Variants in SLC12A4 observed in about 807,000 individuals in gnomAD.
The protein encoded by SLC12A4 is electroneutral potassium-chloride cotransporter 1.
In SLC12A4, 84 loss-of-function variants were observed where a neutral mutation model predicts 119.2. The observed-to-expected ratio is 0.70, with a 90% CI of 0.59 to 0.85. SLC12A4 has a LOEUF of 0.85. Among genes scored for constraint, SLC12A4 ranks in the 40% least tolerant of loss-of-function variants. SLC12A4 has a pLI of 0.00. For synonymous variants in SLC12A4, 599 were observed against 604.6 expected (o/e 0.99, Z 0.14); for missense variants, 1,298 against 1,476.3 (o/e 0.88, Z 1.98).
At position 67,943,740 on chromosome 16, in the gene SLC12A4, G is replaced by A; in HGVS notation, c.*1100C>T. Reference sequence around the variant, plus strand: ...CCCGTCCCCCACTCCGCCCCCCCTGGGTTAGACAACTGAGAGTCACAGTGT... The same window carrying A: ...CCCGTCCCCCACTCCGCCCCCCCTGAGTTAGACAACTGAGAGTCACAGTGT... On this transcript the variant is annotated 3_prime_UTR_variant, in exon 24 of 24. Transcript: ENST00000316341. This position sits in a 1 kb window ranked among gnomAD's most constrained non-coding sequence, Gnocchi z 4.6. The A allele has an allele frequency of 1.7e-6, 1 of 590,032 alleles. No individual in the cohort carries two copies. The highest frequency in any genetic ancestry group is 2.3e-5 in the South Asian group (1 of 42,738). The allele number at this position is 590,032 out of a possible 1,614,324, so 36.5% of individuals were successfully genotyped here.
At position 67,945,473 on chromosome 16, in the gene SLC12A4, C is replaced by A. The variant is rs1414089720; in HGVS notation, c.2928G>T (p.Gly976=). 2.5e-6 allele frequency: 4 copies of A among 1,613,990 alleles called. No homozygotes were observed. The highest frequency in any genetic ancestry group is 3.4e-6 in the Non-Finnish European group (4 of 1,180,020). Residue 976 remains glycine (G), a synonymous_variant, in exon 22 of 24, where the codon GGG becomes GGT. Transcript: ENST00000316341. The part of the protein sequence containing the change: ...YSDEEDESAV[G]ADKIQMTWTR... ...TCCACGTCATCTGGATCTTGTCAGCCCCCACTGCAGACTCATCTTCCTCGT... is the reference window on the plus strand; with the variant it reads ...TCCACGTCATCTGGATCTTGTCAGCACCCACTGCAGACTCATCTTCCTCGT...
At position 67,945,847 on chromosome 16, in the gene SLC12A4, T is replaced by C. The variant is rs902882398; in HGVS notation, c.2764A>G (p.Thr922Ala). 1 of 1,613,942 alleles carries C rather than the reference T, an allele frequency of 6.2e-7. No individual in the cohort carries two copies. Among genetic ancestry groups the C allele is most frequent in the Non-Finnish European group, 8.5e-7 (1 of 1,180,008 alleles). Reference sequence around the variant, plus strand: ...TCCATCATCAGCGTCCGCTCGTAGGTGTATGCAGAGATGTCACTGTTATGC... The same window carrying C: ...TCCATCATCAGCGTCCGCTCGTAGGCGTATGCAGAGATGTCACTGTTATGC... ...EMHNSDISAY[T>A]YERTLMMEQR... The change falls in exon 21 of 24, where the codon ACC becomes GCC. Residue 922 changes from threonine to alanine, a missense_variant. Thr to Ala is a moderately conservative substitution (Grantham distance 58). Transcript: ENST00000316341.
At chr16:67,945,053 C>T (rs552068341) in intron 23 of SLC12A4, 34 bp downstream of exon 23, 4 of 1,580,180 alleles carry the variant, frequency 2.5e-6, no homozygotes, top group South Asian at 1.2e-5. Context: ...ATGCTATCCA[C>T]CTCCCAACTG....
chr16:67,968,651 G>A, upstream of SLC12A4: 8 of 1,284,522 alleles, frequency 6.2e-6, no homozygotes, highest in Non-Finnish European at 6.8e-6. Context: ...CCGCCCGCTC[G>A]CATTCCTCCC....
chr16:67,944,624 A>G lies in SLC12A4; in HGVS notation c.*216T>C. ...GGCCTACTGGGGTGCTAGATAGTAAAGTCCCCAAACATCCCAGGGTCCCAC... is the reference window on the plus strand; with the variant it reads ...GGCCTACTGGGGTGCTAGATAGTAAGGTCCCCAAACATCCCAGGGTCCCAC... On this transcript the variant is annotated 3_prime_UTR_variant, in exon 24 of 24. Transcript: ENST00000316341. The surrounding 1 kb of genome is among the most constrained non-coding windows in gnomAD (Gnocchi z 6.6). 4 of 1,409,398 alleles carry G rather than the reference A, an allele frequency of 2.8e-6. No individual in the cohort carries two copies. Among genetic ancestry groups the G allele is most frequent in the African/African-American group, 2.9e-5 (2 of 69,336 alleles). The allele number at this position is 1,409,398 out of a possible 1,614,324, so 87.3% of individuals were successfully genotyped here.
At position 67,950,221 on chromosome 16, in the gene SLC12A4, A is replaced by C. The variant is rs1429084500; in HGVS notation, c.1629+98T>G. 4 of 1,428,168 alleles carry C rather than the reference A, an allele frequency of 2.8e-6. No homozygotes were observed. In the African/African-American group the frequency reaches 4.3e-5, roughly 15 times the overall value. 88.5% of individuals were successfully genotyped at this position (1,428,168 alleles called of 1,614,324 possible). A position where few individuals can be genotyped will look rare whatever the true frequency, so the allele number is the denominator to read the frequency against. On this transcript the variant is annotated intron_variant, in intron 12 of 23. Transcript: ENST00000316341. This position sits in a 1 kb window ranked among gnomAD's most constrained non-coding sequence, Gnocchi z 4.3. ...TGGCCGCCTGGCCCCGGGGGCCAAT[A>C]AGGGCAGGACGTGCTGCATCTGTGT...
intron 3 of SLC12A4, among the ~76,000 whole-genome samples, chr16:67,958,758 G>A (rs934766273): frequency 9.2e-5 from 14 of 151,996 alleles, no homozygotes; most frequent in African/African-American, 2.4e-4. Flanking sequence ...CAGATTCTGC[G>A]AACCTGAGAA....
intron 6 of SLC12A4, among the ~76,000 whole-genome samples, chr16:67,952,724 G>A (rs1417467415): frequency 1.3e-5 from 2 of 151,906 alleles, no homozygotes; most frequent in East Asian, 1.9e-4. Context: ...AGGAAGCAGA[G>A]GTTGCAGTGA....
rs750169574 is a variant in SLC12A4 at position 67,951,232 on chromosome 16, G to C, written c.1205C>G (p.Pro402Arg). 2.5e-6 allele frequency: 4 copies of C among 1,613,916 alleles called. No homozygotes were observed. The highest frequency in any genetic ancestry group is 3.4e-6 in the Non-Finnish European group (4 of 1,179,980). ...EKHGLPSADAPSLKESLPLYV... is the reference protein window; with the variant it reads ...EKHGLPSADARSLKESLPLYV... ...CAGAGGCAGGCTCTCCTTCAGGCTC[G>C]GGGCATCTGCGGAGGGCAGCCCATG... is the stretch of plus-strand genomic sequence containing the variant. Residue 402 changes from proline to arginine, a missense_variant, in exon 9 of 24, where the codon CCG (proline) becomes CGG (arginine). Physicochemically the swap from Pro to Arg is moderately radical, Grantham distance 103. Coordinates refer to ENST00000316341, the MANE Select transcript of SLC12A4 (RefSeq NM_005072.5). The surrounding 1 kb of genome is among the most constrained non-coding windows in gnomAD (Gnocchi z 5.2).
At chr16:67,946,755 G>A (rs904671145) in intron 17 of SLC12A4, 122 bp from the exon 18 acceptor site, 3 of 1,301,060 alleles carry the variant, frequency 2.3e-6, no homozygotes, top group Admixed American at 2.3e-5. Context: ...GCAACAAGCT[G>A]CCTACCCAGA....
In SLC12A4 at chr16:67,951,102, TG is replaced by T. The variant is rs769416239; in HGVS notation, c.1297+37del. 1 of 1,600,972 alleles carries T rather than the reference TG, an allele frequency of 6.2e-7. No homozygotes were observed. The highest frequency in any genetic ancestry group is 8.6e-7 in the Non-Finnish European group (1 of 1,168,262). On this transcript the variant is annotated intron_variant, in intron 9 of 23. Transcript: ENST00000316341. This position sits in a 1 kb window ranked among gnomAD's most constrained non-coding sequence, Gnocchi z 5.2. ...GACTCCCTCAGGGGCTCCCCGGGAT[TG>T]GGGACAGGGCTGGGTGGGTAGGCAG... is the stretch of plus-strand genomic sequence containing the variant.
At position 67,945,388 on chromosome 16, in the gene SLC12A4, C is replaced by T; in HGVS notation, c.3013G>A (p.Glu1005Lys). ...DPSHAPDNFR[E>K]LVHIKPDQSN... ...ACTCACGGCTTAATGTGCACCAGCT[C>T]CCGGAAATTGTCAGGGGCATGGCTG... Residue 1005 changes from glutamate to lysine, a missense_variant, in exon 22 of 24, where the codon GAG becomes AAG. Physicochemically the swap from Glu to Lys is moderately conservative, Grantham distance 56. Transcript: ENST00000316341. 1 of 1,613,830 alleles carries T rather than the reference C, an allele frequency of 6.2e-7. No individual in the cohort carries two copies. Among genetic ancestry groups the T allele is most frequent in the East Asian group, 2.2e-5 (1 of 44,874 alleles).
rs1362046167 is a variant in SLC12A4, at chr16:67,951,666, T to G, written c.1132+157A>C. 1 of 701,160 alleles carries G rather than the reference T, an allele frequency of 1.4e-6. No individual in the cohort carries two copies. Among genetic ancestry groups the G allele is most frequent in the African/African-American group, 1.8e-5 (1 of 55,906 alleles). 43.4% of individuals were successfully genotyped at this position (701,160 alleles called of 1,614,324 possible). On this transcript the variant is annotated intron_variant, in intron 8 of 23. Transcript: ENST00000316341. This position sits in a 1 kb window ranked among gnomAD's most constrained non-coding sequence, Gnocchi z 5.2. ...CAGACAGGCTCCACTCACTCCAAAC[T>G]CGGCTGCCAGGAGCCAGGCTGGGAG...
At chr16:67,958,091 C>T (rs1235026239) in intron 3 of SLC12A4, 47 bp from the exon 4 acceptor site, 3 of 1,588,986 alleles carry the variant, frequency 1.9e-6, no homozygotes, top group South Asian at 1.1e-5. Flanking sequence ...CAGAGGGATG[C>T]ACCATGGAGA....
rs368124264 is a variant in SLC12A4, at chr16:67,957,969, G to A, written c.418C>T (p.Arg140Trp). The change falls in exon 4 of 24, where the codon CGG becomes TGG. Residue 140 changes from arginine to tryptophan, a missense_variant. By Grantham distance (101) the Arg-to-Trp change is moderately radical. Transcript: ENST00000316341. ...GCTGTGCCCACCATCCAGGTCAGCC[G>A]CAGGAAGAGGATAACCCCAAAGATA... ...QNIFGVILFL[R>W]LTWMVGTAGV... 2.7e-5 allele frequency: 43 copies of A among 1,614,062 alleles called. No homozygotes were observed. Among genetic ancestry groups the A allele is most frequent in the Admixed American group, 3.3e-5 (2 of 60,000 alleles).
chr16:67,957,458 C>T (rs73596524), intron 5 of SLC12A4: 10,843 of 382,830 alleles, frequency 0.028, 692 homozygotes, highest in African/African-American at 0.17. Flanking sequence ...CATGAGCCAC[C>T]GCGCCTGGCC....
At position 67,950,329 on chromosome 16, in the gene SLC12A4, G is replaced by C. The variant is rs369969915; in HGVS notation, c.1619C>G (p.Pro540Arg). The C allele has an allele frequency of 1.9e-6, 3 of 1,613,714 alleles. No individual in the cohort carries two copies. Among genetic ancestry groups the C allele is most frequent in the Non-Finnish European group, 2.5e-6 (3 of 1,179,984 alleles). Residue 540 changes from proline (P) to arginine (R), a missense_variant, in exon 12 of 24, where the codon CCC (proline) becomes CGC (arginine). Coordinates refer to ENST00000316341, the MANE Select transcript of SLC12A4 (RefSeq NM_005072.5). This position sits in a 1 kb window ranked among gnomAD's most constrained non-coding sequence, Gnocchi z 4.3. ...LQAIAKDNII[P>R]FLRVFGHGKV... ...TGCAGAGGGGCTCACCCGGAGGAAG[G>C]GGATGATGTTGTCCTTGGCAATGGC...
rs1010171985 is a variant in SLC12A4, at chr16:67,944,467, G to A, written c.*373C>T. ...GGCAGCTGGGCTGGACTCCCTCCCT[G>A]GCTACCCTTCCCTTCGTCTCTGATG... On this transcript the variant is annotated 3_prime_UTR_variant, in exon 24 of 24. Transcript: ENST00000316341. The surrounding 1 kb of genome is among the most constrained non-coding windows in gnomAD (Gnocchi z 6.6). 7.2e-6 allele frequency: 9 copies of A among 1,252,084 alleles called. No individual in the cohort carries two copies. Among genetic ancestry groups the A allele is most frequent in the Non-Finnish European group, 9.0e-6 (9 of 995,844 alleles). The allele number at this position is 1,252,084 out of a possible 1,614,324, so 77.6% of individuals were successfully genotyped here.
At chr16:67,952,447 G>T in intron 6 of SLC12A4, 22 bp from the exon 7 acceptor site, 1 of 1,611,712 alleles carries the variant, frequency 6.2e-7, no homozygotes, top group Middle Eastern at 1.7e-4. Context: ...AGATGGATAA[G>T]GAGGGTTTTA....
Sources: allele counts gnomAD v4.1 joint callset (sites outside exome capture counted in the v4.1 genomes callset), GRCh38; gene constraint gnomAD v4.1.1; non-coding constraint Gnocchi (gnomAD v3.1); transcripts MANE v1.5; gene names NCBI Gene and HGNC (gene_info 2026-07-23, HGNC 2026-07-21).